Variants in FUT8 observed in about 807,000 individuals in gnomAD.
FUT8 encodes the protein alpha-(1,6)-fucosyltransferase.
Under a neutral mutation model 71.3 loss-of-function variants are expected in FUT8, and 29 were observed. The observed-to-expected ratio is 0.41, with a 90% CI of 0.30 to 0.55. The LOEUF (loss-of-function observed/expected upper bound fraction) is 0.55, where lower values mean the gene tolerates loss of function less well. Ranked by LOEUF, FUT8 falls within the 20% of genes least tolerant of loss-of-function variation. The pLI, the probability that FUT8 is intolerant of heterozygous loss-of-function variation, is 0.34. For missense variants in FUT8, 544 were observed against 702.1 expected (o/e 0.77, Z 2.55); for synonymous variants, 254 against 239.3 (o/e 1.06, Z -0.57).
chr14:65,619,290 C>T (rs1211416076), intron 5 of FUT8, among the ~76,000 whole-genome samples: 4 of 152,192 alleles, frequency 2.6e-5, no homozygotes, highest in African/African-American at 7.2e-5. Flanking sequence ...TGGTAGAAAT[C>T]GCATTTCTCT....
At chr14:65,510,239 T>G (rs551698099) in intron 2 of FUT8, among the ~76,000 whole-genome samples, 1 of 152,236 alleles carries the variant, frequency 6.6e-6, no homozygotes, top group South Asian at 2.1e-4. Context: ...GTGATTGATT[T>G]GTATATGTTG....
chr14:65,690,235 A>G (rs1253366976), intron 7 of FUT8, among the ~76,000 whole-genome samples: 2 of 151,978 alleles, frequency 1.3e-5, no homozygotes, highest in Non-Finnish European at 1.5e-5. Context: ...CCATTCATCT[A>G]TTTGTCTGTT....
chr14:65,543,801 A>G (rs1391293605), intron 2 of FUT8, among the ~76,000 whole-genome samples: 1 of 152,182 alleles, frequency 6.6e-6, no homozygotes, highest in Non-Finnish European at 1.5e-5. Flanking sequence ...CTCTCTTAAA[A>G]TTAAGAGACA....
chr14:65,655,366 C>G (rs1187999920), intron 6 of FUT8, among the ~76,000 whole-genome samples: 3 of 151,318 alleles, frequency 2.0e-5, no homozygotes, highest in African/African-American at 7.3e-5. Context: ...GTCCCAGCTA[C>G]TCGGGAGGCT....
At chr14:65,385,330 AT>A in the FUT8 span, among the ~76,000 whole-genome samples, 3 of 148,068 alleles carry the variant, frequency 2.0e-5, no homozygotes, top group South Asian at 6.6e-4. Context: ...CTTTTCTTTA[AT>A]TTTTGTATGC....
At position 65,554,059 on chromosome 14, in the gene FUT8, T is replaced by C. The variant is rs369775416; in HGVS notation, c.-227-7278T>C. On this transcript the variant is annotated intron_variant, in intron 2 of 10. Transcript: ENST00000673929. The stretch of plus-strand genomic sequence containing the variant: ...ACCTGCACTAGATCATTGGATATTA[T>C]ACTACAGCTTTAAAATTCCTATTCT... 1.8e-4 allele frequency among the ~76,000 whole-genome samples: 27 copies of C among 152,214 alleles called. No individual in the cohort carries two copies. In the East Asian group the frequency reaches 5.2e-3, roughly 29 times the overall value.
intron 2 of FUT8, chr14:65,488,670 G>C (rs1368483920): frequency 6.6e-6 from 1 of 152,156 alleles, no homozygotes; most frequent in African/African-American, 2.4e-5. Flanking sequence ...CTTAGTATCT[G>C]CTAGTTTGCC....
intron 3 of FUT8, among the ~76,000 whole-genome samples, chr14:65,605,214 A>T (rs1594808903): frequency 6.6e-6 from 1 of 151,932 alleles, no homozygotes; most frequent in Non-Finnish European, 1.5e-5. Flanking sequence ...CAGTCTTATT[A>T]TATGTGCATT....
At chr14:65,566,329 C>A (rs77719525) in intron 3 of FUT8, among the ~76,000 whole-genome samples, 194 of 151,986 alleles carry the variant, frequency 1.3e-3, no homozygotes, top group Non-Finnish European at 1.4e-3. Context: ...AAGAGGCCTA[C>A]CCATATTCAA....
chr14:65,514,721 G>T (rs10873190), intron 2 of FUT8, among the ~76,000 whole-genome samples: 104,849 of 151,322 alleles, frequency 0.69, 36,569 homozygotes, highest in East Asian at 0.9. Flanking sequence ...ATTTTTTTAT[G>T]ATACTTTAAG....
intron 2 of FUT8, among the ~76,000 whole-genome samples, chr14:65,528,555 C>T (rs1221422659): frequency 6.6e-6 from 1 of 152,152 alleles, no homozygotes; most frequent in Non-Finnish European, 1.5e-5. Context: ...CACCCACTGT[C>T]CTGCATCCAC....
At chr14:65,512,907 CAAAA>C (rs35280167) in intron 2 of FUT8, among the ~76,000 whole-genome samples, 19 of 83,980 alleles carry the variant, frequency 2.3e-4, no homozygotes, top group African/African-American at 7.3e-4. Context: ...GACTCTGTCT[CAAAA>C]AAAAAAAAAA....
Position 65,629,528 on chromosome 14 carries a change from AGATGGAGCAGGT to A in FUT8, c.523_534del (p.Gly175_Asp178del), listed in dbSNP as rs1490380088. 1 of 1,613,866 alleles carries A rather than the reference AGATGGAGCAGGT, an allele frequency of 6.2e-7. No individual in the cohort carries two copies. On this transcript the variant is annotated inframe_deletion, in exon 6 of 11. Transcript: ENST00000673929. ...CGGATCTATACTACCTCAGTCAGAC[AGATGGAGCAGGT>A]GATTGGCGGGAAAAAGAGGCCAAAG... is the stretch of plus-strand genomic sequence containing the variant.
At chr14:65,369,155 G>T in the FUT8 span, among the ~76,000 whole-genome samples, 1 of 152,230 alleles carries the variant, frequency 6.6e-6, no homozygotes, top group African/African-American at 2.4e-5. The surrounding 1 kb of genome is among the most constrained non-coding windows in gnomAD (Gnocchi z 4.6). Context: ...ACCACATGCG[G>T]CAAGTGGCTA....
At chr14:65,729,819 A>G (rs1263285820) in intron 9 of FUT8, among the ~76,000 whole-genome samples, 2 of 152,236 alleles carry the variant, frequency 1.3e-5, no homozygotes, top group Non-Finnish European at 2.9e-5. Flanking sequence ...GCCAACAGCT[A>G]TAACTCCCCT....
At chr14:65,656,439 T>G (rs1815311529) in intron 6 of FUT8, among the ~76,000 whole-genome samples, 1 of 151,948 alleles carries the variant, frequency 6.6e-6, no homozygotes, top group African/African-American at 2.4e-5. Context: ...AAGTAAAGGA[T>G]CTCTACAATG....
chr14:65,420,933 G>A (rs760504703), intron 1 of FUT8, among the ~76,000 whole-genome samples: 3 of 152,072 alleles, frequency 2.0e-5, no homozygotes, highest in Non-Finnish European at 4.4e-5. Flanking sequence ...CGTGGCTCAC[G>A]CCTGTAATCC....
chr14:65,402,434 C>T, the FUT8 span, among the ~76,000 whole-genome samples: 22 of 151,112 alleles, frequency 1.5e-4, 1 homozygote, highest in East Asian at 2.7e-3. Context: ...TTTGGGAGGC[C>T]GAGGCGGGTG....
intron 1 of FUT8, among the ~76,000 whole-genome samples, chr14:65,439,972 A>ATATG (rs1293312637): frequency 3.0e-5 from 4 of 135,546 alleles, no homozygotes; most frequent in African/African-American, 5.4e-5. Flanking sequence ...ATATATATAT[A>ATATG]TATATATATA....
Sources: allele counts gnomAD v4.1 joint callset (sites outside exome capture counted in the v4.1 genomes callset), GRCh38; gene constraint gnomAD v4.1.1; non-coding constraint Gnocchi (gnomAD v3.1); transcripts MANE v1.5; gene names NCBI Gene and HGNC (gene_info 2026-07-23, HGNC 2026-07-21).